Variants in SH3RF3 observed in about 807,000 individuals in gnomAD.
The protein encoded by SH3RF3 is E3 ubiquitin-protein ligase SH3RF3.
A neutral mutation model predicts 66.3 loss-of-function variants in SH3RF3; 29 were observed. The observed-to-expected ratio is 0.44, with a 90% CI of 0.33 to 0.60. SH3RF3 has a LOEUF of 0.60. Among genes scored for constraint, SH3RF3 ranks in the 20% least tolerant of loss-of-function variants. The pLI is 0.04. For synonymous variants in SH3RF3, 583 were observed against 532.0 expected (o/e 1.10, Z -1.32); for missense variants, 1,194 against 1,190.9 (o/e 1.00, Z -0.04).
At chr2:109,291,228 G>A (rs1466768843) in intron 1 of SH3RF3, among the ~76,000 whole-genome samples, 1 of 151,834 alleles carries the variant, frequency 6.6e-6, no homozygotes, top group Non-Finnish European at 1.5e-5. Flanking sequence ...ATGGAGAAAT[G>A]CCAGAAAGCA....
At chr2:109,247,209 G>C (rs1679937802) in intron 1 of SH3RF3, among the ~76,000 whole-genome samples, 1 of 152,176 alleles carries the variant, frequency 6.6e-6, no homozygotes, top group South Asian at 2.1e-4. Context: ...ACAGAATGAA[G>C]TCACACCCCA....
chr2:109,289,201 C>T (rs994255637), intron 1 of SH3RF3, among the ~76,000 whole-genome samples: 34 of 152,190 alleles, frequency 2.2e-4, no homozygotes, highest in African/African-American at 7.7e-4. Flanking sequence ...CCTTTCTCTG[C>T]TGTCATATGA....
At chr2:109,342,713 A>G (rs890001663) in intron 1 of SH3RF3, among the ~76,000 whole-genome samples, 2 of 152,198 alleles carry the variant, frequency 1.3e-5, no homozygotes, top group African/African-American at 2.4e-5. Flanking sequence ...CACATTCATT[A>G]GAGCCTGCTG....
intron 4 of SH3RF3, among the ~76,000 whole-genome samples, chr2:109,414,549 A>G (rs1676674044): frequency 6.6e-6 from 1 of 152,154 alleles, no homozygotes; most frequent in African/African-American, 2.4e-5. Context: ...ACGGTCACAA[A>G]CACAGGTCAC....
At chr2:109,335,124 C>T (rs559260417) in intron 1 of SH3RF3, among the ~76,000 whole-genome samples, 5 of 152,316 alleles carry the variant, frequency 3.3e-5, no homozygotes, top group African/African-American at 9.6e-5. Flanking sequence ...TTCGTGTTTT[C>T]GGAGCAGATT....
chr2:109,414,433 G>A (rs1455174483), intron 4 of SH3RF3, among the ~76,000 whole-genome samples: 2 of 152,048 alleles, frequency 1.3e-5, no homozygotes, highest in South Asian at 2.1e-4. Context: ...GTTTTTTCAG[G>A]CAGGAGGGTA....
intron 1 of SH3RF3, among the ~76,000 whole-genome samples, chr2:109,240,831 A>G (rs961933318): frequency 2.0e-5 from 3 of 149,734 alleles, no homozygotes; most frequent in Non-Finnish European, 3.0e-5. Flanking sequence ...TTCCTACTGG[A>G]CTCCTGACAC....
Position 109,490,898 on chromosome 2 carries a change from T to G in SH3RF3, c.2442T>G (p.Ala814=). The G allele has an allele frequency of 6.6e-7, 1 of 1,524,092 alleles. No individual in the cohort carries two copies. The highest frequency in any genetic ancestry group is 8.8e-7 in the Non-Finnish European group (1 of 1,138,000). The allele number at this position is 1,524,092 out of a possible 1,614,324, so 94.4% of individuals were successfully genotyped here. Residue 814 remains alanine, a synonymous_variant, in exon 9 of 10, where the codon GCT becomes GCG. Coordinates refer to ENST00000309415, the MANE Select transcript of SH3RF3 (RefSeq NM_001099289.3). ...SPSRQAPLSM[A]AIRPEPKLLP... ...CCCGGCAAGCTCCGCTGTCCATGGC[T>G]GCCATCCGCCCCGAGCCCAAGCTGT...
At chr2:109,267,108 T>G (rs11123734) in intron 1 of SH3RF3, among the ~76,000 whole-genome samples, 50,051 of 152,052 alleles carry the variant, frequency 0.33, 9,282 homozygotes, top group East Asian at 0.78. Context: ...CTCTGATGGG[T>G]ATCGCTCAGT....
In SH3RF3 at chr2:109,502,109, C is replaced by T. The variant is rs976856893; in HGVS notation, c.*438C>T. The stretch of plus-strand genomic sequence containing the variant: ...TTTCTGGGCTGCCCTGGGCTTCCCG[C>T]GGGGCCCAGGTTGCTCTGTCACCAT... On this transcript the variant is annotated 3_prime_UTR_variant, in exon 10 of 10. Coordinates refer to ENST00000309415, the MANE Select transcript of SH3RF3 (RefSeq NM_001099289.3). 20 of 167,458 alleles carry T rather than the reference C, an allele frequency of 1.2e-4. No individual in the cohort carries two copies. The highest frequency in any genetic ancestry group is 9.7e-4 in the South Asian group (6 of 6,154). The allele number at this position is 167,458 out of a possible 1,614,324, so 10.4% of individuals were successfully genotyped here.
intron 1 of SH3RF3, among the ~76,000 whole-genome samples, chr2:109,206,490 CAAAAAAAAAAAAAAA>C (rs36060217): frequency 2.5e-5 from 1 of 40,756 alleles, no homozygotes; most frequent in Non-Finnish European, 4.2e-5. Flanking sequence ...GACTCCGTCT[CAAAAAAAAAAAAAAA>C]AAAAAAAAAA....
chr2:109,299,024 C>T (rs1681393317), intron 1 of SH3RF3, among the ~76,000 whole-genome samples: 1 of 152,204 alleles, frequency 6.6e-6, no homozygotes, highest in Non-Finnish European at 1.5e-5. Context: ...GTGATGTCTC[C>T]CCCCAGTGCC....
rs1303802480 is a variant in SH3RF3 at position 109,347,805 on chromosome 2, G to A, written c.705G>A (p.Glu235=). The change falls in exon 2 of 10, where the codon GAG becomes GAA. Residue 235 remains glutamate, a synonymous_variant. Coordinates refer to ENST00000309415, the MANE Select transcript of SH3RF3 (RefSeq NM_001099289.3). ...RKVDEQWYHG[E]LHGTQGFLPA... ...TGGATGAACAGTGGTACCACGGCGAGCTGCACGGCACACAGGGCTTCCTCC... is the reference window on the plus strand; with the variant it reads ...TGGATGAACAGTGGTACCACGGCGAACTGCACGGCACACAGGGCTTCCTCC... 1 of 1,613,984 alleles carries A rather than the reference G, an allele frequency of 6.2e-7. No homozygotes were observed. Among genetic ancestry groups the A allele is most frequent in the South Asian group, 1.1e-5 (1 of 91,076 alleles).
intron 8 of SH3RF3, among the ~76,000 whole-genome samples, chr2:109,468,752 G>A (rs1678425009): frequency 6.6e-6 from 1 of 151,334 alleles, no homozygotes; most frequent in Non-Finnish European, 1.5e-5. Context: ...TACTCAGGAG[G>A]CTGAGGCAGG....
chr2:109,144,291 A>G (rs1487545397), intron 1 of SH3RF3, among the ~76,000 whole-genome samples: 1 of 152,246 alleles, frequency 6.6e-6, no homozygotes, highest in Non-Finnish European at 1.5e-5. Flanking sequence ...TACCTTAAAT[A>G]TATACAATTT....
At chr2:109,224,863 A>T (rs556651994) in intron 1 of SH3RF3, among the ~76,000 whole-genome samples, 25 of 152,102 alleles carry the variant, frequency 1.6e-4, no homozygotes, top group African/African-American at 4.3e-4. Flanking sequence ...TCTCAAAAAA[A>T]TTTTTTTTCA....
chr2:109,475,931 C>T (rs575902462), intron 8 of SH3RF3, among the ~76,000 whole-genome samples: 5 of 152,224 alleles, frequency 3.3e-5, no homozygotes, highest in Admixed American at 1.3e-4. Flanking sequence ...ACAAAAGAGC[C>T]CTAGGCCAAC....
intron 1 of SH3RF3, among the ~76,000 whole-genome samples, chr2:109,160,857 A>G (rs11695447): frequency 0.82 from 124,656 of 152,158 alleles, 51,211 homozygotes; most frequent in East Asian, 0.89. Context: ...CAGGGCCAGG[A>G]GAGGCTGCAA....
intron 1 of SH3RF3, among the ~76,000 whole-genome samples, chr2:109,281,991 C>T (rs1006093460): frequency 1.3e-5 from 2 of 152,020 alleles, no homozygotes; most frequent in South Asian, 2.1e-4. Flanking sequence ...GCCAGGCTTT[C>T]GGGATGCTCC....
Sources: allele counts gnomAD v4.1 joint callset (sites outside exome capture counted in the v4.1 genomes callset), GRCh38; gene constraint gnomAD v4.1.1; transcripts MANE v1.5; gene names NCBI Gene and HGNC (gene_info 2026-07-23, HGNC 2026-07-21).